The following SHTN1 variants were observed in gnomAD, a reference collection of about 807,000 sequenced individuals.
SHTN1 encodes the protein shootin 1, also known as shootin-1.
In SHTN1, 42 loss-of-function variants were observed where a neutral mutation model predicts 83.1. That is an observed-to-expected ratio of 0.51 (90% CI 0.39 to 0.65). SHTN1 has a LOEUF of 0.65. Among genes scored for constraint, SHTN1 ranks in the 30% least tolerant of loss-of-function variants. The pLI, the probability that SHTN1 is intolerant of heterozygous loss-of-function variation, is 0.00. For missense variants in SHTN1, 622 were observed against 737.8 expected (o/e 0.84, Z 1.82); for synonymous variants, 224 against 247.7 (o/e 0.90, Z 0.90).
chr10:116,900,154 C>A (rs866184066), intron 16 of SHTN1, among the ~76,000 whole-genome samples: 1 of 152,156 alleles, frequency 6.6e-6, no homozygotes, highest in Non-Finnish European at 1.5e-5. Context: ...TGAAAATACA[C>A]GGCATCAGTT....
intron 2 of SHTN1, among the ~76,000 whole-genome samples, chr10:117,037,691 G>C (rs1852519092): frequency 6.6e-6 from 1 of 152,108 alleles, no homozygotes; most frequent in Non-Finnish European, 1.5e-5. Flanking sequence ...GTGTGATACT[G>C]GTGAAAGAAC....
In SHTN1 at chr10:116,915,293, T is replaced by G. The variant is rs1463708518; in HGVS notation, c.1305+82A>C. The G allele has an allele frequency of 2.0e-5, 16 of 783,308 alleles. 1 individual carries two copies. The South Asian group carries it at 2.6e-4, about 13-fold the overall frequency. 48.5% of individuals were successfully genotyped at this position (783,308 alleles called of 1,614,324 possible). ...CCTAAGATCTGACAGTGGGTCCTGA[T>G]GCAGCTTTCATCAAATTTCAAATTT... On this transcript the variant is annotated intron_variant, in intron 13 of 16. Transcript: ENST00000355371.
chr10:117,076,361 CTA>C (rs1413452909), intron 1 of SHTN1, among the ~76,000 whole-genome samples: 2 of 152,080 alleles, frequency 1.3e-5, no homozygotes, highest in African/African-American at 4.8e-5. Flanking sequence ...GAGTGCTGAA[CTA>C]AAGCCCAGGT....
intron 3 of SHTN1, among the ~76,000 whole-genome samples, chr10:116,963,564 AAAAAG>A (rs773641212): frequency 2.0e-4 from 31 of 152,312 alleles, no homozygotes; most frequent in Non-Finnish European, 3.8e-4. Context: ...CAGTTATGTT[AAAAAG>A]AAAAGACTAC....
intron 1 of SHTN1, among the ~76,000 whole-genome samples, chr10:117,117,181 G>A (rs1476922216): frequency 6.6e-6 from 1 of 152,046 alleles, no homozygotes; most frequent in Non-Finnish European, 1.5e-5. Context: ...CAAAAGAACT[G>A]CTAAGACTGA....
intron 3 of SHTN1, among the ~76,000 whole-genome samples, chr10:116,962,428 A>G (rs1172812780): frequency 6.6e-6 from 1 of 152,142 alleles, no homozygotes; most frequent in African/African-American, 2.4e-5. Context: ...AATTTTTACA[A>G]CATCAAATAT....
At chr10:117,018,720 C>T (rs550881017) in intron 2 of SHTN1, among the ~76,000 whole-genome samples, 3 of 151,908 alleles carry the variant, frequency 2.0e-5, no homozygotes, top group Admixed American at 6.6e-5. Flanking sequence ...TACAGATGCT[C>T]GCCACCATGC....
chr10:117,073,252 AAGAAG>A, intron 1 of SHTN1, among the ~76,000 whole-genome samples: 1 of 152,228 alleles, frequency 6.6e-6, no homozygotes, highest in Admixed American at 6.5e-5. Flanking sequence ...GTTCCTGAGG[AAGAAG>A]AGAAATCAGC....
intron 1 of SHTN1, among the ~76,000 whole-genome samples, chr10:117,103,059 T>C (rs1018333131): frequency 3.9e-5 from 6 of 152,178 alleles, no homozygotes; most frequent in Non-Finnish European, 7.4e-5. Context: ...TGGTTCCTTG[T>C]TCTATTTTTT....
chr10:117,003,398 CAA>C (rs1851889840), intron 1 of SHTN1, among the ~76,000 whole-genome samples: 1 of 148,170 alleles, frequency 6.7e-6, no homozygotes, highest in Non-Finnish European at 1.5e-5. Context: ...CTGGGAAGGC[CAA>C]AGAGACTAAC....
intron 12 of SHTN1, among the ~76,000 whole-genome samples, chr10:116,918,937 C>T (rs1051743615): frequency 2.6e-5 from 4 of 152,128 alleles, no homozygotes; most frequent in African/African-American, 9.7e-5. Context: ...GTGTAATGAT[C>T]TCTTACATTC....
At chr10:116,922,128 A>G (rs1040537174) in intron 11 of SHTN1, among the ~76,000 whole-genome samples, 1 of 152,210 alleles carries the variant, frequency 6.6e-6, no homozygotes, top group Admixed American at 6.5e-5. Flanking sequence ...CTACAGATCA[A>G]TGAGAAAAAG....
At chr10:117,051,329 T>A (rs1421618034) in intron 1 of SHTN1, among the ~76,000 whole-genome samples, 4 of 152,150 alleles carry the variant, frequency 2.6e-5, no homozygotes, top group Non-Finnish European at 4.4e-5. Context: ...TGAATTCTAC[T>A]GAACATCTGA....
At position 117,088,729 on chromosome 10, in the gene SHTN1, C is replaced by T. The variant is rs574968281; in HGVS notation, c.-189+37578G>A. On this transcript the variant is annotated intron_variant, in intron 1 of 17. Transcript: ENST00000392901. Reference sequence around the variant, plus strand: ...ATAGGCTGTTTACTTTGTAAGAATTCTGTGCTTGGCATTGCTACTTGTGGC... The same window carrying T: ...ATAGGCTGTTTACTTTGTAAGAATTTTGTGCTTGGCATTGCTACTTGTGGC... 2.0e-4 allele frequency among the ~76,000 whole-genome samples: 31 copies of T among 152,282 alleles called. No individual in the cohort carries two copies. The South Asian group carries it at 6.2e-3, about 31-fold the overall frequency.
chr10:116,983,667 GATAGATAGATAGATAGATAAATAC>G (rs1386939436), intron 1 of SHTN1, among the ~76,000 whole-genome samples: 1 of 68,758 alleles, frequency 1.5e-5, no homozygotes, highest in Non-Finnish European at 3.4e-5. Context: ...TAGATAGATA[GATAGATAGATAGATAGATAAATAC>G]ATACATACAT....
intron 16 of SHTN1, chr10:116,900,512 G>A (rs1485883032): frequency 1.3e-6 from 2 of 1,504,826 alleles, no homozygotes; most frequent in Non-Finnish European, 1.8e-6. Context: ...AAGGAGGAAG[G>A]AGTTGCAGTA....
At chr10:117,078,945 G>C (rs1349114881) in intron 1 of SHTN1, among the ~76,000 whole-genome samples, 2 of 151,746 alleles carry the variant, frequency 1.3e-5, no homozygotes, top group Non-Finnish European at 2.9e-5. Context: ...TAGATCAGTA[G>C]TGATGGCCCT....
chr10:117,048,425 G>A (rs1189929739), intron 2 of SHTN1: 9 of 961,564 alleles, frequency 9.4e-6, no homozygotes, highest in East Asian at 1.2e-4. Context: ...TAGACACATC[G>A]GCACGGTCTT....
At chr10:116,996,307 T>A (rs1387550155) in intron 1 of SHTN1, among the ~76,000 whole-genome samples, 2 of 152,230 alleles carry the variant, frequency 1.3e-5, no homozygotes, top group Non-Finnish European at 2.9e-5. Flanking sequence ...TTCTGATACC[T>A]GGCTGTGAGT....
Sources: allele counts gnomAD v4.1 joint callset (sites outside exome capture counted in the v4.1 genomes callset), GRCh38; gene constraint gnomAD v4.1.1; transcripts MANE v1.5; gene names NCBI Gene and HGNC (gene_info 2026-07-23, HGNC 2026-07-21).